Variants in PIK3C2G observed in about 807,000 individuals in gnomAD.
The protein encoded by PIK3C2G is phosphatidylinositol-4-phosphate 3-kinase catalytic subunit type 2 gamma.
PIK3C2G carries 168 observed loss-of-function variants against 181.1 expected under a neutral mutation model. That is an observed-to-expected ratio of 0.93 (90% CI 0.82 to 1.05). PIK3C2G has a LOEUF of 1.05. Ranked by LOEUF, PIK3C2G falls within the 50% of genes least tolerant of loss-of-function variation. The pLI, the probability that PIK3C2G is intolerant of heterozygous loss-of-function variation, is 0.00. For missense variants in PIK3C2G, 1,869 were observed against 1,732.8 expected, an observed-to-expected ratio of 1.08 and a Z score of -1.40; for synonymous variants, 573 against 592.2, an observed-to-expected ratio of 0.97 and a Z score of 0.47.
intron 11 of PIK3C2G, among the ~76,000 whole-genome samples, chr12:18,347,540 T>A (rs571378959): frequency 6.6e-6 from 1 of 152,310 alleles, no homozygotes; most frequent in Non-Finnish European, 1.5e-5. Context: ...CCGGGCACAG[T>A]GGCTCATGCC....
intron 13 of PIK3C2G, among the ~76,000 whole-genome samples, chr12:18,376,963 C>G (rs1338566197): frequency 6.6e-6 from 1 of 152,176 alleles, no homozygotes; most frequent in Non-Finnish European, 1.5e-5. Flanking sequence ...GTAAACTTTT[C>G]TTAATAAATT....
intron 32 of PIK3C2G, 54 bp from the exon 33 acceptor site, chr12:18,647,820 AAG>A (rs544592023): frequency 9.4e-7 from 1 of 1,063,894 alleles, no homozygotes; most frequent in Non-Finnish European, 1.3e-6. Context: ...ATACTCAAAA[AAG>A]AGATGTATTT....
Position 18,526,792 on chromosome 12 carries a change from G to A in PIK3C2G, c.3324-11364G>A, listed in dbSNP as rs919562063. Among the ~76,000 whole-genome samples, 5 of 152,028 alleles carry A rather than the reference G, an allele frequency of 3.3e-5. No homozygotes were observed. The South Asian group carries it at 6.3e-4, about 19-fold the overall frequency. On this transcript the variant is annotated intron_variant, in intron 24 of 32. Coordinates refer to ENST00000538779, the MANE Select transcript of PIK3C2G (RefSeq NM_001288772.2). Reference sequence around the variant, plus strand: ...ACAAAGCGCTCTCACTTACTCACACGGACCATTTCAAGAAACAAAGTTTGT... The same window carrying A: ...ACAAAGCGCTCTCACTTACTCACACAGACCATTTCAAGAAACAAAGTTTGT...
At chr12:18,694,499 A>C in the PIK3C2G span, among the ~76,000 whole-genome samples, 6 of 152,172 alleles carry the variant, frequency 3.9e-5, no homozygotes, top group African/African-American at 1.4e-4. Context: ...ACAAAAGCCT[A>C]ATTGTGGAGA....
the PIK3C2G span, among the ~76,000 whole-genome samples, chr12:18,665,418 T>A: frequency 1.3e-5 from 2 of 152,108 alleles, no homozygotes; most frequent in African/African-American, 2.4e-5. Flanking sequence ...GAAAAAAAAA[T>A]TGAGAAACAG....
intron 31 of PIK3C2G, among the ~76,000 whole-genome samples, chr12:18,639,474 A>C (rs1361826578): frequency 3.9e-5 from 6 of 152,194 alleles, no homozygotes; most frequent in Non-Finnish European, 5.9e-5. Context: ...CTTTTAAATC[A>C]TCTGCTTTAA....
intron 29 of PIK3C2G, among the ~76,000 whole-genome samples, chr12:18,567,593 T>G (rs1479434592): frequency 6.6e-6 from 1 of 151,732 alleles, no homozygotes; most frequent in African/African-American, 2.4e-5. Context: ...TCTAGAGTTT[T>G]AGAGGAGTAA....
chr12:18,668,743 C>T, the PIK3C2G span, among the ~76,000 whole-genome samples: 1 of 152,116 alleles, frequency 6.6e-6, no homozygotes. Flanking sequence ...TGCTCACACC[C>T]CAAAGCTATA....
chr12:18,384,722 T>C (rs566313282), intron 14 of PIK3C2G, among the ~76,000 whole-genome samples: 1 of 152,302 alleles, frequency 6.6e-6, no homozygotes, highest in Admixed American at 6.5e-5. Context: ...TATTCAATAG[T>C]GGCACCGATT....
intron 18 of PIK3C2G, among the ~76,000 whole-genome samples, chr12:18,479,621 G>A (rs150853355): frequency 2.8e-4 from 43 of 152,248 alleles, no homozygotes; most frequent in African/African-American, 6.3e-4. Flanking sequence ...ATAGAGCCCC[G>A]GAACTGGAAG....
chr12:18,367,408 GAC>G (rs1941716185), intron 12 of PIK3C2G, among the ~76,000 whole-genome samples: 1 of 152,108 alleles, frequency 6.6e-6, no homozygotes, highest in Non-Finnish European at 1.5e-5. Flanking sequence ...TCTAAAATTT[GAC>G]AGTCTTTAAC....
chr12:18,390,422 G>T (rs958128690), intron 14 of PIK3C2G, among the ~76,000 whole-genome samples: 1 of 151,948 alleles, frequency 6.6e-6, no homozygotes. Context: ...TATTTACATA[G>T]CCTGGAACTG....
At chr12:18,686,102 T>G in the PIK3C2G span, among the ~76,000 whole-genome samples, 1 of 152,006 alleles carries the variant, frequency 6.6e-6, no homozygotes, top group Non-Finnish European at 1.5e-5. Context: ...GGACGTTGAC[T>G]TCTGCGCAGT....
the PIK3C2G span, among the ~76,000 whole-genome samples, chr12:18,676,090 C>T: frequency 5.3e-5 from 8 of 152,070 alleles, no homozygotes; most frequent in African/African-American, 1.9e-4. Flanking sequence ...TCTCATTCTT[C>T]CTGCTTTGCA....
intron 26 of PIK3C2G, among the ~76,000 whole-genome samples, chr12:18,560,476 A>C (rs1945290471): frequency 6.6e-6 from 1 of 152,088 alleles, no homozygotes; most frequent in Non-Finnish European, 1.5e-5. Context: ...GACTGAACCC[A>C]AGAAAGAATT....
chr12:18,269,911 T>C (rs1591789266), intron 1 of PIK3C2G, among the ~76,000 whole-genome samples: 1 of 119,858 alleles, frequency 8.3e-6, no homozygotes, highest in South Asian at 2.5e-4. Flanking sequence ...TTTTTTCTTT[T>C]CTTTTTTTTT....
chr12:18,685,844 G>GCACACACACACACA, the PIK3C2G span, among the ~76,000 whole-genome samples: 2 of 48,214 alleles, frequency 4.1e-5, no homozygotes, highest in Admixed American at 4.9e-4. Flanking sequence ...ACACACACAC[G>GCACACACACACACA]CGCACACACA....
At chr12:18,266,580 G>C (rs768244610) in intron 1 of PIK3C2G, among the ~76,000 whole-genome samples, 3 of 152,120 alleles carry the variant, frequency 2.0e-5, no homozygotes, top group Non-Finnish European at 2.9e-5. Context: ...GTGGCCGGAT[G>C]CATGTTACTC....
rs79779159 is a variant in PIK3C2G at position 18,475,087 on chromosome 12, T to C, written c.2505-13362T>C. On this transcript the variant is annotated intron_variant, in intron 18 of 32. Transcript: ENST00000538779. ...GAATGGTCCGGTGTGAAAAGACTTT[T>C]CTAAAGAGGAGCAAAAATGAAAATA... 8.5e-5 allele frequency among the ~76,000 whole-genome samples: 13 copies of C among 152,158 alleles called. No homozygotes were observed. In the East Asian group the frequency reaches 2.5e-3, roughly 29 times the overall value.
Sources: gnomAD v4.1 joint callset for allele counts (sites outside exome capture counted in the v4.1 genomes callset) on GRCh38, gnomAD v4.1.1 for gene constraint, MANE v1.5 for transcripts, NCBI Gene and HGNC (gene_info 2026-07-23, HGNC 2026-07-21) for gene names.